Variants in HELLS observed in about 807,000 individuals in gnomAD.
HELLS encodes helicase, lymphoid specific, also known as lymphoid-specific helicase.
A neutral mutation model predicts 120.0 loss-of-function variants in HELLS; 32 were observed. That is an observed-to-expected ratio of 0.27 (90% confidence interval 0.20 to 0.36). The LOEUF is 0.36. Among genes scored for constraint, HELLS ranks in the 10% least tolerant of loss-of-function variants. The probability of loss-of-function intolerance (pLI) is 1.00; values close to 1 mark genes in which losing one functional copy is unlikely to be tolerated. For missense variants in HELLS, 650 were observed against 993.4 expected, an observed-to-expected ratio of 0.65 and a Z score of 4.65; for synonymous variants, 341 against 323.4, an observed-to-expected ratio of 1.05 and a Z score of -0.58.
At chr10:94,571,176 G>A (rs1844136233) in intron 6 of HELLS, 3 of 409,654 alleles carry the variant, frequency 7.3e-6, no homozygotes, top group South Asian at 5.9e-5. Context: ...ATATCCCATT[G>A]TATAAGTGTT....
chr10:94,579,701 C>T (rs1026915317), intron 10 of HELLS, among the ~76,000 whole-genome samples: 3 of 151,964 alleles, frequency 2.0e-5, no homozygotes, highest in Admixed American at 2.0e-4. Context: ...GTCATCACAC[C>T]TGACTGATTC....
chr10:94,606,028 TTAA>T (rs1284864828), downstream of HELLS, among the ~76,000 whole-genome samples: 1 of 151,972 alleles, frequency 6.6e-6, no homozygotes, highest in African/African-American at 2.4e-5. Flanking sequence ...GTATTCTAAA[TTAA>T]TAACACAGTG....
chr10:94,559,245 CTT>C (rs1197678315), intron 4 of HELLS, among the ~76,000 whole-genome samples: 1 of 151,994 alleles, frequency 6.6e-6, no homozygotes, highest in African/African-American at 2.4e-5. Flanking sequence ...AGCACCATAA[CTT>C]TTGCGTTTTT....
chr10:94,552,204 A>G (rs1016946370), intron 2 of HELLS, among the ~76,000 whole-genome samples: 2 of 152,228 alleles, frequency 1.3e-5, no homozygotes, highest in African/African-American at 4.8e-5. Flanking sequence ...TGAGAAAACA[A>G]AATACTAAAA....
At chr10:94,576,617 CA>C (rs1844498647) in intron 9 of HELLS, 44 bp from the exon 10 acceptor site, 1 of 1,096,868 alleles carries the variant, frequency 9.1e-7, no homozygotes, top group African/African-American at 1.6e-5. Flanking sequence ...TCAATATTTA[CA>C]TTTTGTTCTT....
At position 94,578,444 on chromosome 10, in the gene HELLS, C is replaced by A. The variant is rs1470533193; in HGVS notation, c.1032+1639C>A. Among the ~76,000 whole-genome samples the A allele has an allele frequency of 3.3e-5, 5 of 152,122 alleles. No homozygotes were observed. The South Asian group carries it at 1.0e-3, about 32-fold the overall frequency. On this transcript the variant is annotated intron_variant, in intron 10 of 21. Coordinates refer to ENST00000348459, the MANE Select transcript of HELLS (RefSeq NM_018063.5). ...GGCCGTAGTGGCTCACCCCTGTAATCCCAGCACTTTGGGAAGCTTAGGCGG... is the reference window on the plus strand; with the variant it reads ...GGCCGTAGTGGCTCACCCCTGTAATACCAGCACTTTGGGAAGCTTAGGCGG...
intron 2 of HELLS, among the ~76,000 whole-genome samples, chr10:94,551,808 C>G (rs1009830121): frequency 1.3e-5 from 2 of 151,150 alleles, no homozygotes; most frequent in Non-Finnish European, 1.5e-5. Context: ...GGCGCGATCT[C>G]GGCTCACTGC....
At chr10:94,574,378 C>T (rs1420427160) in intron 8 of HELLS, 176 bp from the exon 9 acceptor site, 1 of 694,720 alleles carries the variant, frequency 1.4e-6, no homozygotes, top group Non-Finnish European at 2.4e-6. Flanking sequence ...GCTTCCAGCA[C>T]TTTTATGGCT....
chr10:94,546,478 G>A lies in HELLS; in HGVS notation c.133G>A (p.Glu45Lys), dbSNP rs750048312. The A allele has an allele frequency of 6.2e-7, 1 of 1,614,006 alleles. No homozygotes were observed. The highest frequency in any genetic ancestry group is 1.3e-5 in the African/African-American group (1 of 74,924). ...GCTTGAAGCTGCTGGACTAGAGAGA[G>A]AGCGGAAGATGCTGGAAAAGGTAAT... is the stretch of plus-strand genomic sequence containing the variant. ...EQLEAAGLER[E>K]RKMLEKARMS... Residue 45 changes from glutamate (E) to lysine (K), a missense_variant, in exon 2 of 22, where the codon GAG (glutamate) becomes AAG (lysine). This residue lies in a region of HELLS where 90 missense variants were observed against 93.6 expected (regional missense o/e 0.96). Transcript: ENST00000348459.
At chr10:94,606,940 A>G (rs1389640102), downstream of HELLS, among the ~76,000 whole-genome samples, 1 of 152,222 alleles carries the variant, frequency 6.6e-6, no homozygotes, top group African/African-American at 2.4e-5. Flanking sequence ...ATGTACATAT[A>G]TATCTGAGAG....
downstream of HELLS, among the ~76,000 whole-genome samples, chr10:94,603,118 C>T (rs1564623207): frequency 1.3e-5 from 2 of 152,168 alleles, no homozygotes; most frequent in Non-Finnish European, 2.9e-5. Context: ...TTATATACTG[C>T]GGATATATTG....
chr10:94,592,303 A>G lies in HELLS; in HGVS notation c.1842A>G (p.Arg614=). 2 of 1,606,742 alleles carry G rather than the reference A, an allele frequency of 1.2e-6. No individual in the cohort carries two copies. Among genetic ancestry groups the G allele is most frequent in the Non-Finnish European group, 8.5e-7 (1 of 1,176,938 alleles). ...GAATGCTGCCAGAACTAAAAAAAAG[A>G]GGTCACAAGGTGGTACTTTTGATTG... The part of the protein sequence containing the change: ...LDRMLPELKK[R]GHKVLLFSQM... Residue 614 remains arginine (R), a synonymous_variant, in exon 16 of 22, where the codon AGA becomes AGG. Coordinates refer to ENST00000348459, the MANE Select transcript of HELLS (RefSeq NM_018063.5).
chr10:94,551,421 C>T (rs1383926349), intron 2 of HELLS, among the ~76,000 whole-genome samples: 1 of 151,642 alleles, frequency 6.6e-6, no homozygotes, highest in African/African-American at 2.4e-5. Flanking sequence ...CAAAAATTAG[C>T]GGGGTGTGGT....
Position 94,546,481 on chromosome 10 carries a change from C to T in HELLS, c.136C>T (p.Arg46Trp), listed in dbSNP as rs200269841. ...TGAAGCTGCTGGACTAGAGAGAGAGCGGAAGATGCTGGAAAAGGTAATTTA... is the reference window on the plus strand; with the variant it reads ...TGAAGCTGCTGGACTAGAGAGAGAGTGGAAGATGCTGGAAAAGGTAATTTA... ...QLEAAGLERE[R>W]KMLEKARMSW... The change falls in exon 2 of 22, where the codon CGG (arginine) becomes TGG (tryptophan). Residue 46 changes from arginine (R) to tryptophan (W), a missense_variant. This residue lies in a region of HELLS where 90 missense variants were observed against 93.6 expected (regional missense o/e 0.96). Transcript: ENST00000348459. 76 of 1,613,844 alleles carry T rather than the reference C, an allele frequency of 4.7e-5. No individual in the cohort carries two copies. The highest frequency in any genetic ancestry group is 6.4e-5 in the Non-Finnish European group (75 of 1,180,000).
At chr10:94,547,025 C>T (rs941243960) in intron 2 of HELLS, among the ~76,000 whole-genome samples, 1 of 152,236 alleles carries the variant, frequency 6.6e-6, no homozygotes, top group South Asian at 2.1e-4. Context: ...GTTTCATGGC[C>T]TGTGTATTGC....
chr10:94,577,988 G>A (rs1000259152), intron 10 of HELLS, among the ~76,000 whole-genome samples: 1 of 150,796 alleles, frequency 6.6e-6, no homozygotes, highest in South Asian at 2.1e-4. Flanking sequence ...GCGTGAACCC[G>A]GGAAGCGGAG....
At chr10:94,556,321 ATTC>A (rs897401170) in intron 3 of HELLS, among the ~76,000 whole-genome samples, 4 of 152,062 alleles carry the variant, frequency 2.6e-5, no homozygotes, top group Non-Finnish European at 4.4e-5. Flanking sequence ...TTTTCTCAAT[ATTC>A]TTGCACATAT....
downstream of HELLS, among the ~76,000 whole-genome samples, chr10:94,604,814 A>G (rs377646200): frequency 4.3e-4 from 65 of 151,976 alleles, no homozygotes; most frequent in African/African-American, 1.4e-3. Context: ...TGAAGTTAAT[A>G]CTTAACTGTT....
chr10:94,584,087 GA>G, intron 12 of HELLS: 1 of 1,397,534 alleles, frequency 7.2e-7, no homozygotes, highest in Non-Finnish European at 9.5e-7. Flanking sequence ...ACGTCCATAT[GA>G]AAATACTTAT....
Sources: allele counts gnomAD v4.1 joint callset (sites outside exome capture counted in the v4.1 genomes callset), GRCh38; gene constraint gnomAD v4.1.1; regional missense constraint gnomAD v4.1.1; transcripts MANE v1.5; gene names NCBI Gene and HGNC (gene_info 2026-07-23, HGNC 2026-07-21).